EXPH5: variants seen among roughly 807,000 people sequenced by gnomAD.
EXPH5 encodes the protein exophilin 5.
In EXPH5, 42 loss-of-function variants were observed where a neutral mutation model predicts 41.1. The ratio of observed to expected loss-of-function variants is 1.02; its 90% CI spans 0.80 to 1.32. The LOEUF (loss-of-function observed/expected upper bound fraction) is 1.32. EXPH5 is among the 40% of genes most tolerant of loss of function. The pLI is 0.00. For missense variants in EXPH5, 2,298 were observed against 2,314.5 expected (o/e 0.99, Z 0.15); for synonymous variants, 798 against 833.5 (o/e 0.96, Z 0.73).
chr11:108,511,886 A>T lies in EXPH5; in HGVS notation c.3621T>A (p.Asn1207Lys), dbSNP rs757546624. Residue 1207 changes from asparagine (N) to lysine (K), a missense_variant, in exon 6 of 6, where the codon AAT (asparagine) becomes AAA (lysine). Transcript: ENST00000265843. ...ASRRSVFALS[N>K]EDPLPFCSDL... ...CTGAGCAAAAAGGTAAAGGGTCTTC[A>T]TTTGAAAGAGCAAATACACTTCTCC... 1 of 1,588,212 alleles carries T rather than the reference A, an allele frequency of 6.3e-7. No individual in the cohort carries two copies. The highest frequency in any genetic ancestry group is 8.5e-7 in the Non-Finnish European group (1 of 1,172,198).
Position 108,593,590 on chromosome 11 carries a change from A to G in EXPH5, c.-54T>C, listed in dbSNP as rs1329767069. 7 of 1,613,112 alleles carry G rather than the reference A, an allele frequency of 4.3e-6. 1 individual carries two copies. The East Asian group carries it at 1.3e-4, about 31-fold the overall frequency. On this transcript the variant is annotated 5_prime_UTR_variant, in exon 1 of 6. Coordinates refer to ENST00000265843, the MANE Select transcript of EXPH5 (RefSeq NM_015065.3). ...AGCTCCTTGGCGCCTCCTGTTAGGA[A>G]GGCATTTTTCAACCTGTACAAGACC...
At chr11:108,583,943 A>T (rs2094106205) in intron 1 of EXPH5, among the ~76,000 whole-genome samples, 1 of 152,222 alleles carries the variant, frequency 6.6e-6, no homozygotes, top group African/African-American at 2.4e-5. Flanking sequence ...CTCAAAAAAG[A>T]ACATCCTAGA....
intron 4 of EXPH5, among the ~76,000 whole-genome samples, chr11:108,524,339 T>G (rs905749512): frequency 1.3e-5 from 2 of 152,194 alleles, no homozygotes; most frequent in Non-Finnish European, 2.9e-5. Flanking sequence ...TATTAATAGT[T>G]GTGATGCATT....
chr11:108,523,419 T>G (rs1439212912), intron 4 of EXPH5, among the ~76,000 whole-genome samples: 1 of 152,180 alleles, frequency 6.6e-6, no homozygotes, highest in African/African-American at 2.4e-5. Flanking sequence ...TTCCATTATT[T>G]TTTTTTACCG....
chr11:108,514,373 G>A lies in EXPH5; in HGVS notation c.1134C>T (p.Ser378=), dbSNP rs34089944. The change falls in exon 6 of 6, where the codon TCC becomes TCT. Residue 378 remains serine (S), a synonymous_variant. Coordinates refer to ENST00000265843, the MANE Select transcript of EXPH5 (RefSeq NM_015065.3). ...CTTCCTGGTTCTCCCTGTCTCTAGAGGAATCTGATCTGTTCCATATGATGG... is the reference window on the plus strand; with the variant it reads ...CTTCCTGGTTCTCCCTGTCTCTAGAAGAATCTGATCTGTTCCATATGATGG... ...LSSIIWNRSD[S]SRDRENQEEF... is the part of the protein sequence containing the mutation. The A allele has an allele frequency of 5.4e-4, 864 of 1,613,896 alleles. 2 individuals are homozygous for A. The highest frequency in any genetic ancestry group is 6.7e-4 in the Non-Finnish European group (788 of 1,179,970).
intron 1 of EXPH5, among the ~76,000 whole-genome samples, chr11:108,571,286 C>G (rs975803435): frequency 6.6e-6 from 1 of 152,202 alleles, no homozygotes; most frequent in African/African-American, 2.4e-5. Flanking sequence ...CAGTTACCTA[C>G]TGTGGAGCCA....
the EXPH5 span, among the ~76,000 whole-genome samples, chr11:108,606,049 G>C: frequency 3.4e-3 from 524 of 152,260 alleles, 1 homozygote; most frequent in Non-Finnish European, 5.6e-3. Context: ...TAAAAATAGA[G>C]ACAGGTTCTC....
intron 1 of EXPH5, chr11:108,568,180 G>GC (rs1565827044): frequency 7.9e-6 from 1 of 127,034 alleles, no homozygotes; most frequent in African/African-American, 2.7e-5. Context: ...TTTTTTGGGA[G>GC]GGGGGGAGGG....
At chr11:108,576,005 A>G (rs2094078600) in intron 1 of EXPH5, among the ~76,000 whole-genome samples, 1 of 152,186 alleles carries the variant, frequency 6.6e-6, no homozygotes, top group South Asian at 2.1e-4. Context: ...ACATGGGGGT[A>G]ACAGTTTGAC....
At chr11:108,557,777 T>C (rs2093996265) in intron 1 of EXPH5, among the ~76,000 whole-genome samples, 1 of 152,200 alleles carries the variant, frequency 6.6e-6, no homozygotes, top group African/African-American at 2.4e-5. Flanking sequence ...GTTGCCTGTG[T>C]TGTTTTCTGG....
At position 108,569,662 on chromosome 11, in the gene EXPH5, C is replaced by T. The variant is rs17108266; in HGVS notation, c.119+23756G>A. 9.1e-3 allele frequency among the ~76,000 whole-genome samples: 1,388 copies of T among 152,316 alleles called. 20 individuals are homozygous for T. The highest frequency in any genetic ancestry group is 0.029 in the African/African-American group (1,217 of 41,568). ...CCTGAATGTACTGTTTTTAAACCCA[C>T]CTCCTTCACGGCATTGAAAGCTTAC... On this transcript the variant is annotated intron_variant, in intron 1 of 5. Coordinates refer to ENST00000265843, the MANE Select transcript of EXPH5 (RefSeq NM_015065.3).
At chr11:108,541,527 G>T in intron 2 of EXPH5, 125 bp downstream of exon 2, 1 of 568,256 alleles carries the variant, frequency 1.8e-6, no homozygotes, top group Non-Finnish European at 3.0e-6. Context: ...AAACTTTTGT[G>T]GCTTATGACT....
chr11:108,539,855 T>C, intron 2 of EXPH5, among the ~76,000 whole-genome samples: 1 of 152,324 alleles, frequency 6.6e-6, no homozygotes, highest in East Asian at 1.9e-4. Flanking sequence ...TGCTCAACTT[T>C]TCAGCTTATA....
At chr11:108,521,034 C>T (rs939853806) in intron 4 of EXPH5, among the ~76,000 whole-genome samples, 1 of 152,204 alleles carries the variant, frequency 6.6e-6, no homozygotes, top group Non-Finnish European at 1.5e-5. Flanking sequence ...GTCAAACTGG[C>T]TCTGTCACTC....
At chr11:108,569,760 C>T (rs1591750055) in intron 1 of EXPH5, among the ~76,000 whole-genome samples, 1 of 152,066 alleles carries the variant, frequency 6.6e-6, no homozygotes, top group Non-Finnish European at 1.5e-5. Flanking sequence ...TAAGTGAGTG[C>T]TGTTGAACAG....
the EXPH5 span, among the ~76,000 whole-genome samples, chr11:108,599,002 G>T: frequency 1.1e-4 from 16 of 145,100 alleles, no homozygotes; most frequent in Non-Finnish European, 1.8e-4. Context: ...TGGGAAGTGT[G>T]TAGCATATGG....
chr11:108,543,735 A>T (rs2093924726), intron 1 of EXPH5, among the ~76,000 whole-genome samples: 1 of 152,192 alleles, frequency 6.6e-6, no homozygotes, highest in South Asian at 2.1e-4. Context: ...AAAATATTCG[A>T]GAAAGAAGCC....
rs555842494 is a variant in EXPH5 at position 108,593,148 on chromosome 11, G to C, written c.119+270C>G. Among the ~76,000 whole-genome samples the C allele has an allele frequency of 3.3e-5, 5 of 152,300 alleles. No individual in the cohort carries two copies. In the South Asian group the frequency reaches 1.0e-3, roughly 32 times the overall value. ...AGCACAGCGTCACTGCGCGGCCCCCGCAGCGCACGGACCCCCCCACCCTGC... is the reference window on the plus strand; with the variant it reads ...AGCACAGCGTCACTGCGCGGCCCCCCCAGCGCACGGACCCCCCCACCCTGC... On this transcript the variant is annotated intron_variant, in intron 1 of 5. Transcript: ENST00000265843.
chr11:108,556,878 T>G (rs1401829618), intron 1 of EXPH5, among the ~76,000 whole-genome samples: 1 of 152,218 alleles, frequency 6.6e-6, no homozygotes, highest in East Asian at 1.9e-4. Flanking sequence ...GAATACAATG[T>G]TAAACTCTGT....
Sources: gnomAD v4.1 joint callset for allele counts (sites outside exome capture counted in the v4.1 genomes callset) on GRCh38, gnomAD v4.1.1 for gene constraint, MANE v1.5 for transcripts, NCBI Gene and HGNC (gene_info 2026-07-23, HGNC 2026-07-21) for gene names.